Variants in GSK3B observed in about 807,000 individuals in gnomAD.
GSK3B encodes the protein glycogen synthase kinase 3 beta.
In GSK3B, 15 loss-of-function variants were observed where a neutral mutation model predicts 56.4. That is an observed-to-expected ratio of 0.27 (90% CI 0.18 to 0.41). GSK3B has a LOEUF of 0.41. Among genes scored for constraint, GSK3B ranks in the 10% least tolerant of loss-of-function variants. The pLI is 1.00. For synonymous variants in GSK3B, 181 were observed against 188.9 expected, an observed-to-expected ratio of 0.96 and a Z score of 0.34; for missense variants, 300 against 513.4, an observed-to-expected ratio of 0.58 and a Z score of 4.02.
intron 10 of GSK3B, among the ~76,000 whole-genome samples, 174 bp downstream of exon 10, chr3:119,843,081 A>G (rs767908551): frequency 6.6e-6 from 1 of 151,928 alleles, no homozygotes; most frequent in Non-Finnish European, 1.5e-5. Flanking sequence ...ACACCTGGCT[A>G]AGTTTTTATT....
chr3:119,891,201 G>C (rs1379021741), intron 7 of GSK3B, among the ~76,000 whole-genome samples: 2 of 151,652 alleles, frequency 1.3e-5, no homozygotes, highest in Admixed American at 6.6e-5. Context: ...AGGCAAATGA[G>C]TAAAAAGTAC....
At chr3:119,942,243 T>C (rs2057055817) in intron 3 of GSK3B, among the ~76,000 whole-genome samples, 1 of 152,192 alleles carries the variant, frequency 6.6e-6, no homozygotes, top group African/African-American at 2.4e-5. Context: ...CAGAAAACTA[T>C]TAATTGATTG....
chr3:120,009,780 T>G (rs575416204), intron 1 of GSK3B, among the ~76,000 whole-genome samples: 1 of 152,046 alleles, frequency 6.6e-6, no homozygotes, highest in Admixed American at 6.5e-5. Flanking sequence ...ATGGCACATG[T>G]ATACCTATAT....
chr3:119,856,284 C>A (rs1292259873), intron 9 of GSK3B, among the ~76,000 whole-genome samples: 1 of 152,178 alleles, frequency 6.6e-6, no homozygotes, highest in Non-Finnish European at 1.5e-5. Context: ...ACTCTTTGCT[C>A]CTGCAATGTT....
intron 9 of GSK3B, among the ~76,000 whole-genome samples, chr3:119,848,593 A>G (rs1348323690): frequency 2.0e-5 from 3 of 152,146 alleles, no homozygotes; most frequent in African/African-American, 4.8e-5. Flanking sequence ...GTCACTCTAC[A>G]TTAATCCCTT....
intron 2 of GSK3B, among the ~76,000 whole-genome samples, chr3:119,982,409 A>C (rs1312565658): frequency 6.6e-6 from 1 of 152,216 alleles, no homozygotes; most frequent in African/African-American, 2.4e-5. Flanking sequence ...GTAATAACAG[A>C]CTTCTCCGAG....
At chr3:119,999,623 A>C (rs2057656316) in intron 2 of GSK3B, among the ~76,000 whole-genome samples, 2 of 152,184 alleles carry the variant, frequency 1.3e-5, no homozygotes, top group South Asian at 4.1e-4. Context: ...AAAATATGGA[A>C]TTTCCTAGGT....
At chr3:119,826,969 T>G (rs555912066) in intron 10 of GSK3B, 114 bp from the exon 11 acceptor site, 8 of 676,634 alleles carry the variant, frequency 1.2e-5, no homozygotes, top group Non-Finnish European at 2.1e-5. Context: ...AAGCTGTTAT[T>G]TGGAACGTTG....
In GSK3B at chr3:119,876,521, C is replaced by T. The variant is rs769178134; in HGVS notation, c.814-13G>A. ...GAGTTCCCAGGACCTAGAAAGAAAG[C>T]AAGTTATTGCCATCTTTTCCTATAT... On this transcript the variant is annotated splice_polypyrimidine_tract_variant and intron_variant, in intron 7 of 10. Transcript: ENST00000264235. 1.5e-6 allele frequency: 2 copies of T among 1,359,750 alleles called. No homozygotes were observed. Among genetic ancestry groups the T allele is most frequent in the Non-Finnish European group, 2.1e-6 (2 of 949,896 alleles). 84.2% of individuals were successfully genotyped at this position (1,359,750 alleles called of 1,614,324 possible). A position where few individuals can be genotyped will look rare whatever the true frequency, so the allele number is the denominator to read the frequency against.
At chr3:119,857,804 T>C (rs2056041748) in intron 9 of GSK3B, among the ~76,000 whole-genome samples, 1 of 152,222 alleles carries the variant, frequency 6.6e-6, no homozygotes, top group Non-Finnish European at 1.5e-5. Context: ...AGTTACAGCC[T>C]TATGAAATGC....
intron 7 of GSK3B, among the ~76,000 whole-genome samples, chr3:119,880,445 A>G (rs2056367457): frequency 6.6e-6 from 1 of 152,186 alleles, no homozygotes; most frequent in South Asian, 2.1e-4. Context: ...GCTGTGCAGA[A>G]GCTTTTTATC....
chr3:119,912,695 T>C lies in GSK3B; in HGVS notation c.715+9A>G. The C allele has an allele frequency of 8.3e-7, 1 of 1,210,344 alleles. No individual in the cohort carries two copies. The highest frequency in any genetic ancestry group is 1.2e-6 in the Non-Finnish European group (1 of 825,970). The allele number at this position is 1,210,344 out of a possible 1,614,324, so 75.0% of individuals were successfully genotyped here. A position where few individuals can be genotyped will look rare whatever the true frequency, so the allele number is the denominator to read the frequency against. ...TAATTATGAGCATTATATTCAGATT[T>C]GTACTTACCTATACTAGAGGTATAA... On this transcript the variant is annotated intron_variant, in intron 6 of 10. Transcript: ENST00000264235.
chr3:119,965,364 A>C (rs533780890), intron 2 of GSK3B, among the ~76,000 whole-genome samples: 2 of 139,270 alleles, frequency 1.4e-5, no homozygotes, highest in South Asian at 4.6e-4. Flanking sequence ...GTGCCCAGCC[A>C]TTTTTTTTTT....
At position 119,969,525 on chromosome 3, in the gene GSK3B, G is replaced by T. The variant is rs117824323; in HGVS notation, c.283-22174C>A. ...CTAAAATTTATATGGAAAGGCAAAA[G>T]ATTCAGAATAGTCATCACAGTATTG... On this transcript the variant is annotated intron_variant, in intron 2 of 10. Transcript: ENST00000264235. Among the ~76,000 whole-genome samples, 6 of 152,276 alleles carry T rather than the reference G, an allele frequency of 3.9e-5. No homozygotes were observed. In the East Asian group the frequency reaches 1.2e-3, roughly 29 times the overall value.
chr3:119,845,025 G>GT (rs2055836273), intron 9 of GSK3B, among the ~76,000 whole-genome samples: 1 of 152,104 alleles, frequency 6.6e-6, no homozygotes, highest in South Asian at 2.1e-4. Context: ...ATCAATAAAC[G>GT]TAATTCATCA....
chr3:120,023,884 T>C (rs2057901144), intron 1 of GSK3B, among the ~76,000 whole-genome samples: 1 of 152,196 alleles, frequency 6.6e-6, no homozygotes, highest in Admixed American at 6.5e-5. Flanking sequence ...GCGTAGGCAA[T>C]ATGCCCCATT....
At chr3:119,867,397 A>G (rs2056197909) in intron 8 of GSK3B, among the ~76,000 whole-genome samples, 1 of 152,160 alleles carries the variant, frequency 6.6e-6, no homozygotes, top group Admixed American at 6.5e-5. Flanking sequence ...TTGCCCGCTC[A>G]TACCCTTGCA....
intron 2 of GSK3B, among the ~76,000 whole-genome samples, chr3:119,986,576 G>A (rs1468009032): frequency 1.3e-5 from 2 of 151,636 alleles, no homozygotes; most frequent in African/African-American, 2.4e-5. Flanking sequence ...ACAGACACAC[G>A]AAAAAATGCT....
intron 7 of GSK3B, among the ~76,000 whole-genome samples, chr3:119,889,414 C>G (rs2056476815): frequency 6.6e-6 from 1 of 151,978 alleles, no homozygotes; most frequent in African/African-American, 2.4e-5. Context: ...AACTATAGCA[C>G]AAAGAACAGG....
Sources: allele counts gnomAD v4.1 joint callset (sites outside exome capture counted in the v4.1 genomes callset), GRCh38; gene constraint gnomAD v4.1.1; transcripts MANE v1.5; gene names NCBI Gene and HGNC (gene_info 2026-07-23, HGNC 2026-07-21).